CSMD1: variants seen among roughly 807,000 people sequenced by gnomAD.
CSMD1 encodes the protein CUB and sushi domain-containing protein 1.
Under a neutral mutation model 417.5 loss-of-function variants are expected in CSMD1, and 213 were observed. That is an observed-to-expected ratio of 0.51 (90% confidence interval 0.46 to 0.57). CSMD1 has a LOEUF of 0.57. Among genes scored for constraint, CSMD1 ranks in the 20% least tolerant of loss-of-function variants. The probability of loss-of-function intolerance (pLI) is 0.00; values close to 1 mark genes in which losing one functional copy is unlikely to be tolerated. For synonymous variants in CSMD1, 2,862 were observed against 1,736.8 expected, an observed-to-expected ratio of 1.65 and a Z score of -16.11; for missense variants, 6,923 against 4,529.7, an observed-to-expected ratio of 1.53 and a Z score of -15.17.
intron 3 of CSMD1, among the ~76,000 whole-genome samples, chr8:4,081,058 G>C (rs1407960295): frequency 3.9e-5 from 6 of 152,202 alleles, no homozygotes; most frequent in East Asian, 1.9e-4. Context: ...TCATCCCCTT[G>C]GGTAATTCAG....
At chr8:4,276,212 G>A (rs774952392) in intron 3 of CSMD1, among the ~76,000 whole-genome samples, 2 of 152,044 alleles carry the variant, frequency 1.3e-5, no homozygotes, top group South Asian at 2.1e-4. Flanking sequence ...CAAAGACCTG[G>A]AACTAACGCA....
At chr8:4,974,841 G>GCTA (rs1402109321) in intron 1 of CSMD1, among the ~76,000 whole-genome samples, 58 of 152,242 alleles carry the variant, frequency 3.8e-4, no homozygotes, top group African/African-American at 1.3e-3. Flanking sequence ...GATGATGTAT[G>GCTA]TTATTAAGCA....
chr8:3,635,481 C>A (rs1796991523), intron 7 of CSMD1, among the ~76,000 whole-genome samples: 1 of 142,034 alleles, frequency 7.0e-6, no homozygotes, highest in Non-Finnish European at 1.5e-5. Context: ...AAGACTCCAT[C>A]TCTTTTTTTT....
At chr8:4,035,567 C>A (rs748620341) in intron 3 of CSMD1, among the ~76,000 whole-genome samples, 1 of 152,038 alleles carries the variant, frequency 6.6e-6, no homozygotes, top group Admixed American at 6.6e-5. Flanking sequence ...CAGGCCTAGG[C>A]TAGGGTGTGT....
intron 40 of CSMD1, among the ~76,000 whole-genome samples, chr8:3,143,177 T>G (rs1818609919): frequency 1.3e-5 from 2 of 152,204 alleles, no homozygotes; most frequent in Admixed American, 6.5e-5. Context: ...TGTGTTTGTC[T>G]GTTTATTTTG....
intron 5 of CSMD1, among the ~76,000 whole-genome samples, chr8:3,883,422 G>C (rs1343614917): frequency 1.3e-5 from 2 of 152,158 alleles, no homozygotes; most frequent in Non-Finnish European, 1.5e-5. Context: ...ATATATGTAT[G>C]TGTGTGTATG....
intron 10 of CSMD1, among the ~76,000 whole-genome samples, chr8:3,533,884 AG>A (rs1186015094): frequency 6.6e-6 from 1 of 152,236 alleles, no homozygotes; most frequent in Non-Finnish European, 1.5e-5. Flanking sequence ...GAAATCTTTC[AG>A]ATGTATCAGC....
chr8:3,345,436 T>A (rs919434533), intron 22 of CSMD1, among the ~76,000 whole-genome samples: 2 of 151,734 alleles, frequency 1.3e-5, no homozygotes, highest in Admixed American at 6.6e-5. Context: ...CATGGAACAC[T>A]CCCCTGTCAG....
chr8:3,363,752 G>A (rs1258011020), intron 20 of CSMD1, among the ~76,000 whole-genome samples: 1 of 152,142 alleles, frequency 6.6e-6, no homozygotes, highest in African/African-American at 2.4e-5. Flanking sequence ...ACCTTTTGAA[G>A]AGAATGACTG....
chr8:4,125,230 G>A (rs1392899445), intron 3 of CSMD1, among the ~76,000 whole-genome samples: 1 of 152,126 alleles, frequency 6.6e-6, no homozygotes, highest in Non-Finnish European at 1.5e-5. Context: ...GAACTGCTTA[G>A]GGCCAACCTG....
chr8:4,994,453 C>T lies in CSMD1; in HGVS notation c.-37G>A. On this transcript the variant is annotated 5_prime_UTR_variant, in exon 1 of 70. Transcript: ENST00000635120. ...CTCCACACGCACGCGACACCGATGG[C>T]TCCTCCGAGGAAGGCAGGGCTATGA... 1 of 1,575,768 alleles carries T rather than the reference C, an allele frequency of 6.3e-7. No homozygotes were observed. Among genetic ancestry groups the T allele is most frequent in the Non-Finnish European group, 8.7e-7 (1 of 1,150,814 alleles).
At chr8:3,680,962 G>A (rs1344172286) in intron 7 of CSMD1, among the ~76,000 whole-genome samples, 3 of 152,132 alleles carry the variant, frequency 2.0e-5, no homozygotes, top group African/African-American at 7.2e-5. Flanking sequence ...AACAGATGCA[G>A]AAAAAGCCTT....
At chr8:4,468,321 C>A (rs971517651) in intron 2 of CSMD1, among the ~76,000 whole-genome samples, 1 of 146,610 alleles carries the variant, frequency 6.8e-6, no homozygotes, top group Non-Finnish European at 1.5e-5. Context: ...ATTGACTGGG[C>A]GATAGGCCTT....
At chr8:3,398,225 A>G (rs1468127718) in intron 16 of CSMD1, among the ~76,000 whole-genome samples, 1 of 152,224 alleles carries the variant, frequency 6.6e-6, no homozygotes, top group Non-Finnish European at 1.5e-5. Context: ...TCCGCCTGCC[A>G]ATACCAGTAA....
At chr8:3,967,908 G>A (rs938358341) in intron 5 of CSMD1, among the ~76,000 whole-genome samples, 1 of 149,896 alleles carries the variant, frequency 6.7e-6, no homozygotes, top group Non-Finnish European at 1.5e-5. Flanking sequence ...TGGCTCACAC[G>A]TGTAATCCCA....
At chr8:4,409,798 A>G (rs562420136) in intron 3 of CSMD1, among the ~76,000 whole-genome samples, 22 of 152,092 alleles carry the variant, frequency 1.4e-4, no homozygotes, top group African/African-American at 2.9e-4. Flanking sequence ...TTTGGAAGAA[A>G]TAACAATACC....
intron 1 of CSMD1, among the ~76,000 whole-genome samples, chr8:4,688,871 A>T (rs1454930059): frequency 6.6e-6 from 1 of 152,200 alleles, no homozygotes; most frequent in Non-Finnish European, 1.5e-5. Context: ...AGATTGACAT[A>T]AATTCTATAA....
At chr8:3,673,618 G>C (rs985355593) in intron 7 of CSMD1, among the ~76,000 whole-genome samples, 3 of 152,190 alleles carry the variant, frequency 2.0e-5, no homozygotes, top group African/African-American at 7.2e-5. Flanking sequence ...AACTCAGCCT[G>C]TTTGACCTAA....
intron 3 of CSMD1, among the ~76,000 whole-genome samples, chr8:4,376,879 T>G (rs1245997244): frequency 1.3e-5 from 2 of 152,204 alleles, no homozygotes; most frequent in African/African-American, 4.8e-5. Flanking sequence ...TTACAGGTAT[T>G]TGACTTGGAT....
Sources: gnomAD v4.1 joint callset for allele counts (sites outside exome capture counted in the v4.1 genomes callset) on GRCh38, gnomAD v4.1.1 for gene constraint, MANE v1.5 for transcripts, NCBI Gene and HGNC (gene_info 2026-07-23, HGNC 2026-07-21) for gene names.